Variants in DLGAP1 observed in about 807,000 individuals in gnomAD.
DLGAP1 encodes the protein DLG associated protein 1, also known as disks large-associated protein 1.
In DLGAP1, 11 loss-of-function variants were observed where a neutral mutation model predicts 90.8. The ratio of observed to expected loss-of-function variants is 0.12; its 90% CI spans 0.08 to 0.20. DLGAP1 has a LOEUF of 0.20. Among genes scored for constraint, DLGAP1 ranks in the 10% least tolerant of loss-of-function variants. DLGAP1 has a pLI of 1.00. For synonymous variants in DLGAP1, 558 were observed against 540.7 expected, an observed-to-expected ratio of 1.03 and a Z score of -0.44; for missense variants, 1,050 against 1,333.8, an observed-to-expected ratio of 0.79 and a Z score of 3.31.
At chr18:4,003,260 G>T (rs1482982611) in intron 3 of DLGAP1, among the ~76,000 whole-genome samples, 1 of 152,164 alleles carries the variant, frequency 6.6e-6, no homozygotes, top group Non-Finnish European at 1.5e-5. Context: ...GGTAGAGACA[G>T]GGAAGGTGCC....
intron 2 of DLGAP1, among the ~76,000 whole-genome samples, chr18:4,126,026 CT>C (rs2076228251): frequency 6.6e-6 from 1 of 152,178 alleles, no homozygotes; most frequent in Non-Finnish European, 1.5e-5. Context: ...TTCCCCTTTA[CT>C]TTCCTGTGTG....
chr18:3,634,815 T>G (rs1286111526), intron 7 of DLGAP1, among the ~76,000 whole-genome samples: 2 of 152,230 alleles, frequency 1.3e-5, no homozygotes, highest in Non-Finnish European at 2.9e-5. Context: ...TATTCGAAGG[T>G]GAACAAAGTA....
intron 1 of DLGAP1, among the ~76,000 whole-genome samples, chr18:4,441,150 A>G (rs980485028): frequency 2.0e-5 from 3 of 152,216 alleles, no homozygotes; most frequent in African/African-American, 7.2e-5. Context: ...TCCTTATTGC[A>G]GACCTCATCT....
chr18:3,939,966 CACCTGTTT>C (rs1244700541), intron 3 of DLGAP1, among the ~76,000 whole-genome samples: 1 of 152,210 alleles, frequency 6.6e-6, no homozygotes, highest in African/African-American at 2.4e-5. Flanking sequence ...ACTATTCATG[CACCTGTTT>C]AGTTCTTTCT....
chr18:4,337,909 T>G (rs73941438), intron 1 of DLGAP1, among the ~76,000 whole-genome samples: 2,049 of 152,248 alleles, frequency 0.013, 49 homozygotes, highest in African/African-American at 0.042. Flanking sequence ...CAGGGGTCAT[T>G]TTTTTTCCAT....
intron 1 of DLGAP1, among the ~76,000 whole-genome samples, chr18:4,415,052 CAT>C (rs926274642): frequency 1.1e-4 from 13 of 116,226 alleles, no homozygotes; most frequent in African/African-American, 4.4e-4. Flanking sequence ...CACACACACA[CAT>C]ACACATATAT....
At chr18:3,913,817 G>A (rs1232547846) in intron 3 of DLGAP1, among the ~76,000 whole-genome samples, 1 of 152,122 alleles carries the variant, frequency 6.6e-6, no homozygotes, top group Non-Finnish European at 1.5e-5. Flanking sequence ...ACATTGCATG[G>A]ATGTTACAAG....
intron 1 of DLGAP1, among the ~76,000 whole-genome samples, chr18:4,361,281 C>A (rs910168756): frequency 6.6e-6 from 1 of 151,974 alleles, no homozygotes; most frequent in African/African-American, 2.4e-5. Context: ...TAATAATTTT[C>A]AAGAAATCCT....
intron 3 of DLGAP1, among the ~76,000 whole-genome samples, chr18:3,952,924 T>A (rs140413089): frequency 6.6e-6 from 1 of 152,294 alleles, no homozygotes; most frequent in African/African-American, 2.4e-5. Context: ...TTTTTCCTCT[T>A]AACTACTGAA....
intron 1 of DLGAP1, among the ~76,000 whole-genome samples, chr18:4,241,520 G>T (rs1044914233): frequency 3.3e-5 from 5 of 152,168 alleles, no homozygotes; most frequent in Non-Finnish European, 7.4e-5. Flanking sequence ...AAAAAAAATG[G>T]TCGCATATGA....
chr18:4,267,396 GCC>G (rs1379184977), intron 1 of DLGAP1, among the ~76,000 whole-genome samples: 1 of 152,138 alleles, frequency 6.6e-6, no homozygotes, highest in Non-Finnish European at 1.5e-5. Context: ...ACATTTTGTT[GCC>G]CTACAAATTA....
intron 1 of DLGAP1, among the ~76,000 whole-genome samples, chr18:4,446,090 T>C (rs1298640438): frequency 2.6e-5 from 4 of 152,104 alleles, no homozygotes; most frequent in African/African-American, 9.7e-5. Flanking sequence ...AGCAGAGCCC[T>C]GACAAACAGG....
chr18:3,569,515 T>C (rs2054641490), intron 8 of DLGAP1, among the ~76,000 whole-genome samples: 1 of 152,030 alleles, frequency 6.6e-6, no homozygotes, highest in African/African-American at 2.4e-5. Context: ...GGAGAGAGTC[T>C]TAGGTAGTCA....
intron 2 of DLGAP1, among the ~76,000 whole-genome samples, chr18:4,136,920 T>C (rs2076411382): frequency 6.6e-6 from 1 of 152,172 alleles, no homozygotes; most frequent in African/African-American, 2.4e-5. Flanking sequence ...TTTATTATAC[T>C]TTAAGTTTTA....
At chr18:4,148,149 GCAA>G (rs1047106745) in intron 2 of DLGAP1, among the ~76,000 whole-genome samples, 3 of 152,072 alleles carry the variant, frequency 2.0e-5, no homozygotes, top group South Asian at 2.1e-4. Flanking sequence ...ACAAAACAGA[GCAA>G]CAACAACAAC....
At chr18:4,300,133 AAC>A (rs1365009464) in intron 1 of DLGAP1, among the ~76,000 whole-genome samples, 1 of 152,310 alleles carries the variant, frequency 6.6e-6, no homozygotes, top group African/African-American at 2.4e-5. Flanking sequence ...GATTCAATTT[AAC>A]AGTGTTGTCT....
chr18:4,369,028 T>C (rs1205224954), intron 1 of DLGAP1, among the ~76,000 whole-genome samples: 1 of 152,142 alleles, frequency 6.6e-6, no homozygotes, highest in Non-Finnish European at 1.5e-5. Context: ...CATCCTACAC[T>C]GCATCAGGGA....
chr18:3,739,292 C>T (rs372254305), intron 6 of DLGAP1, among the ~76,000 whole-genome samples: 69 of 134,062 alleles, frequency 5.1e-4, no homozygotes, highest in South Asian at 1.2e-3. Flanking sequence ...ACCCAAAGGA[C>T]TATAAATCAT....
intron 2 of DLGAP1, among the ~76,000 whole-genome samples, chr18:4,130,819 G>C (rs2076302363): frequency 6.6e-6 from 1 of 152,114 alleles, no homozygotes; most frequent in African/African-American, 2.4e-5. Flanking sequence ...TCTTTTAATG[G>C]AGGACAGAGG....
Sources: allele counts gnomAD v4.1 joint callset (sites outside exome capture counted in the v4.1 genomes callset), GRCh38; gene constraint gnomAD v4.1.1; transcripts MANE v1.5; gene names NCBI Gene and HGNC (gene_info 2026-07-23, HGNC 2026-07-21).